Variants in ANKRD18B observed in about 807,000 individuals in gnomAD.
ANKRD18B encodes the protein ankyrin repeat domain-containing protein 18B.
A neutral mutation model predicts 111.8 loss-of-function variants in ANKRD18B; 75 were observed. That is an observed-to-expected ratio of 0.67 (90% CI 0.56 to 0.81). ANKRD18B has a LOEUF of 0.81. Ranked by LOEUF, ANKRD18B falls within the 40% of genes least tolerant of loss-of-function variation. The pLI is 0.00. For missense variants in ANKRD18B, 1,038 were observed against 1,225.5 expected, an observed-to-expected ratio of 0.85 and a Z score of 2.28; for synonymous variants, 356 against 417.3, an observed-to-expected ratio of 0.85 and a Z score of 1.79.
chr9:33,540,680 A>C (rs1181104339), intron 8 of ANKRD18B, among the ~76,000 whole-genome samples: 2 of 152,054 alleles, frequency 1.3e-5, no homozygotes, highest in African/African-American at 4.8e-5. Context: ...TAAAGGGCCA[A>C]ATAGGAAATA....
downstream of ANKRD18B, chr9:33,573,182 A>C: frequency 1.0e-6 from 1 of 985,234 alleles, no homozygotes; most frequent in Non-Finnish European, 1.2e-6. Flanking sequence ...AGAATGAGTA[A>C]TTTTTCTTAA....
chr9:33,567,015 T>A, intron 15 of ANKRD18B, 88 bp from the exon 16 acceptor site: 1 of 1,353,668 alleles, frequency 7.4e-7, no homozygotes, highest in East Asian at 2.6e-5. Flanking sequence ...AATTGCTCTT[T>A]GAATCACTGA....
At chr9:33,548,890 A>G (rs1375746892) in intron 11 of ANKRD18B, 35 bp downstream of exon 11, 1 of 1,429,338 alleles carries the variant, frequency 7.0e-7, no homozygotes. Flanking sequence ...TTCTGGAAAG[A>G]AAATTTAAAC....
rs552592817 is a variant in ANKRD18B at position 33,557,927 on chromosome 9, C to T, written c.2331-131C>T. 26 of 797,250 alleles carry T rather than the reference C, an allele frequency of 3.3e-5. No homozygotes were observed. The African/African-American group carries it at 3.7e-4, about 11-fold the overall frequency. 49.4% of individuals were successfully genotyped at this position (797,250 alleles called of 1,614,324 possible). ...ATATAGAATGCTTTCAAACTATGTT[C>T]AGTTGAAACTGAGAGGATCATAGTT... On this transcript the variant is annotated intron_variant, in intron 13 of 18. Coordinates refer to ENST00000684830, the MANE Select transcript of ANKRD18B (RefSeq NM_001393611.1).
rs760847463 is a variant in ANKRD18B at position 33,571,213 on chromosome 9, CATT to C, written c.3178-23_3178-21del. The C allele has an allele frequency of 1.2e-4, 103 of 860,272 alleles. No homozygotes were observed. The East Asian group carries it at 8.5e-3, about 71-fold the overall frequency. The allele number at this position is 860,272 out of a possible 1,614,324, so 53.3% of individuals were successfully genotyped here. On this transcript the variant is annotated intron_variant, in intron 17 of 18. Coordinates refer to ENST00000684830, the MANE Select transcript of ANKRD18B (RefSeq NM_001393611.1). ...GATAATGTCTCTTGTTTAACTTAAACATTATTATTATTTTTTTTTTTACTTATT... is the reference window on the plus strand; with the variant it reads ...GATAATGTCTCTTGTTTAACTTAAACATTATTATTTTTTTTTTTACTTATT...
intron 18 of ANKRD18B, chr9:33,571,993 C>G: frequency 3.6e-6 from 1 of 275,918 alleles, no homozygotes. Flanking sequence ...TGGACATTAC[C>G]TGCCGGTCTT....
At chr9:33,545,806 G>C (rs181448924) in intron 10 of ANKRD18B, among the ~76,000 whole-genome samples, 2 of 152,266 alleles carry the variant, frequency 1.3e-5, no homozygotes, top group African/African-American at 2.4e-5. Flanking sequence ...TTCCCTTGCT[G>C]CTTCTCTTTT....
chr9:33,558,070 C>T lies in ANKRD18B; in HGVS notation c.2343C>T (p.Cys781=). The T allele has an allele frequency of 1.2e-6, 2 of 1,600,476 alleles. No individual in the cohort carries two copies. Among genetic ancestry groups the T allele is most frequent in the Non-Finnish European group, 1.7e-6 (2 of 1,172,476 alleles). The change falls in exon 14 of 19, where the codon TGC becomes TGT. Residue 781 remains cysteine, a synonymous_variant. Transcript: ENST00000684830. The part of the protein sequence containing the change: ...LEEEATGYKK[C]LEMTINMLNA... ...TACATTTCTGCAGATATAAGAAATGCCTAGAAATGACAATAAATATGTTAA... is the reference window on the plus strand; with the variant it reads ...TACATTTCTGCAGATATAAGAAATGTCTAGAAATGACAATAAATATGTTAA...
Position 33,568,682 on chromosome 9 carries a change from A to C in ANKRD18B, c.2966A>C (p.Lys989Thr). ...MSEKITKSDK[K>T]IAVISTKLFM... ...TGCTCTCTTTACAGATCGGATAAGA[A>C]AATAGCTGTGATCAGCACCAAGCTC... The change falls in exon 17 of 19, where the codon AAA becomes ACA. Residue 989 changes from lysine to threonine, a missense_variant. Transcript: ENST00000684830. The C allele has an allele frequency of 6.5e-7, 1 of 1,541,196 alleles. No homozygotes were observed. Among genetic ancestry groups the C allele is most frequent in the East Asian group, 2.5e-5 (1 of 40,790 alleles).
chr9:33,534,498 A>C lies in ANKRD18B; in HGVS notation c.731A>C (p.Asp244Ala), dbSNP rs1442103168. 6.5e-7 allele frequency: 1 copy of C among 1,543,170 alleles called. No homozygotes were observed. The highest frequency in any genetic ancestry group is 8.7e-7 in the Non-Finnish European group (1 of 1,144,524). Residue 244 changes from aspartate (D) to alanine (A), a missense_variant, in exon 5 of 19, where the codon GAT (aspartate) becomes GCT (alanine). Asp to Ala is a moderately radical substitution (Grantham distance 126). Transcript: ENST00000684830. ...GCCGAGGATTATGCTTTTTGTTGTG[A>C]TTTGAGAAGGTATGTGCTTATATTA... is the stretch of plus-strand genomic sequence containing the variant. ...QTAEDYAFCC[D>A]LRSIQQQILE...
chr9:33,547,126 C>T (rs2118052770), intron 10 of ANKRD18B, among the ~76,000 whole-genome samples: 1 of 152,236 alleles, frequency 6.6e-6, no homozygotes, highest in East Asian at 1.9e-4. Flanking sequence ...CTCAATCTGG[C>T]TATTTCATGG....
chr9:33,528,696 C>T, intron 1 of ANKRD18B, 31 bp from the exon 2 acceptor site: 4 of 1,531,992 alleles, frequency 2.6e-6, no homozygotes, highest in South Asian at 1.2e-5. Context: ...TATTGCACTA[C>T]ATTTCCTGAA....
intron 1 of ANKRD18B, among the ~76,000 whole-genome samples, chr9:33,528,192 TCAGGAGGCTGGGG>T (rs1828054365): frequency 6.6e-6 from 1 of 152,202 alleles, no homozygotes; most frequent in Admixed American, 6.5e-5. Context: ...TCCCAGCTAT[TCAGGAGGCTGGGG>T]CAGGAGGTTT....
intron 12 of ANKRD18B, among the ~76,000 whole-genome samples, chr9:33,554,948 C>T (rs1828500546): frequency 6.7e-6 from 1 of 149,472 alleles, no homozygotes; most frequent in Non-Finnish European, 1.5e-5. Flanking sequence ...CCAAGCAACC[C>T]AGATGTCTGT....
At chr9:33,543,638 C>T (rs1005351049) in intron 10 of ANKRD18B, among the ~76,000 whole-genome samples, 7 of 152,240 alleles carry the variant, frequency 4.6e-5, no homozygotes, top group East Asian at 1.9e-4. Context: ...TCATCATTCC[C>T]GGTGGTTCAA....
At chr9:33,554,260 C>T (rs999906530) in intron 12 of ANKRD18B, among the ~76,000 whole-genome samples, 2 of 151,992 alleles carry the variant, frequency 1.3e-5, no homozygotes, top group Non-Finnish European at 2.9e-5. Context: ...GACAGCCCCC[C>T]TTCAAGATTA....
At position 33,543,032 on chromosome 9, in the gene ANKRD18B, G is replaced by C; in HGVS notation, c.1079-153G>C. 5.0e-6 allele frequency: 4 copies of C among 794,692 alleles called. No homozygotes were observed. The South Asian group carries it at 8.3e-5, about 17-fold the overall frequency. The allele number at this position is 794,692 out of a possible 1,614,324, so 49.2% of individuals were successfully genotyped here. A position where few individuals can be genotyped will look rare whatever the true frequency, so the allele number is the denominator to read the frequency against. ...GTTAAAGTTTTAGATAATTAGAAAT[G>C]TTTCTTAAAAATGTAAATATTCCAG... On this transcript the variant is annotated intron_variant, in intron 9 of 18. Transcript: ENST00000684830.
At chr9:33,543,812 G>A (rs1053148046) in intron 10 of ANKRD18B, among the ~76,000 whole-genome samples, 1 of 152,204 alleles carries the variant, frequency 6.6e-6, no homozygotes, top group African/African-American at 2.4e-5. Flanking sequence ...GGACTTTGGT[G>A]TCAGGGTGCA....
intron 10 of ANKRD18B, among the ~76,000 whole-genome samples, chr9:33,547,269 G>T (rs370295126): frequency 4.6e-5 from 7 of 152,252 alleles, no homozygotes; most frequent in African/African-American, 1.7e-4. Context: ...GTCAGAAGCC[G>T]TGAGGAAAAT....
Sources: allele counts gnomAD v4.1 joint callset (sites outside exome capture counted in the v4.1 genomes callset), GRCh38; gene constraint gnomAD v4.1.1; transcripts MANE v1.5; gene names NCBI Gene and HGNC (gene_info 2026-07-23, HGNC 2026-07-21).